SPC24: variants seen among roughly 807,000 people sequenced by gnomAD.
The protein encoded by SPC24 is kinetochore protein Spc24.
In SPC24, 31 loss-of-function variants were observed where a neutral mutation model predicts 27.6. The observed-to-expected ratio is 1.12, with a 90% CI of 0.84 to 1.52. SPC24 has a LOEUF of 1.52. Among genes scored for constraint, SPC24 ranks in the 40% most tolerant of loss-of-function variants. SPC24 has a pLI of 0.00. For missense variants in SPC24, 284 were observed against 252.5 expected, an observed-to-expected ratio of 1.12 and a Z score of -0.84; for synonymous variants, 105 against 105.8, an observed-to-expected ratio of 0.99 and a Z score of 0.05.
Position 11,147,263 on chromosome 19 carries a change from G to A in SPC24, c.514C>T (p.Pro172Ser). The part of the protein sequence containing the change: ...GIHHGPSVAQ[P>S]IHLDSTQLSR... ...AGCTGGGTGCTGTCCAGGTGGATGG[G>A]CTGGGCCACACTGGGGCCATGATGG... Residue 172 changes from proline (P) to serine (S), a missense_variant, in exon 5 of 5, where the codon CCC becomes TCC. Coordinates refer to ENST00000592540, the MANE Select transcript of SPC24 (RefSeq NM_182513.4). 6.4e-7 allele frequency: 1 copy of A among 1,567,654 alleles called. No homozygotes were observed. Among genetic ancestry groups the A allele is most frequent in the Non-Finnish European group, 8.7e-7 (1 of 1,155,486 alleles).
chr19:11,149,475 C>G lies in SPC24; in HGVS notation c.161-237G>C, dbSNP rs149495128. 106 of 303,718 alleles carry G rather than the reference C, an allele frequency of 3.5e-4. 3 individuals are homozygous for G. The East Asian group carries it at 5.8e-3, about 17-fold the overall frequency. The allele number at this position is 303,718 out of a possible 1,614,324, so 18.8% of individuals were successfully genotyped here. ...AAATATAACAAAATAGTTGGCCAGG[C>G]ATGGTGGCTCATGCCTGTAATCCCA... On this transcript the variant is annotated intron_variant, in intron 1 of 4. Transcript: ENST00000592540.
In SPC24 at chr19:11,147,279, GC is replaced by G; in HGVS notation, c.497del (p.Gly166AlafsTer55). The G allele has an allele frequency of 6.4e-7, 1 of 1,566,124 alleles. No homozygotes were observed. Among genetic ancestry groups the G allele is most frequent in the Non-Finnish European group, 8.7e-7 (1 of 1,154,676 alleles). ...GGTGGATGGGCTGGGCCACACTGGG[GC>G]CATGATGGACTGAGGCACAGATGTA... ...EPGMVKGIHH[G>X]PSVAQPIHLD... On this transcript the variant is annotated frameshift_variant, in exon 5 of 5. Transcript: ENST00000592540. LOFTEE classifies it high-confidence loss of function.
At position 11,147,146 on chromosome 19, in the gene SPC24, GC is replaced by G; in HGVS notation, c.*36del. The G allele has an allele frequency of 7.6e-7, 1 of 1,315,734 alleles. No homozygotes were observed. Among genetic ancestry groups the G allele is most frequent in the Non-Finnish European group, 1.1e-6 (1 of 941,114 alleles). The allele number at this position is 1,315,734 out of a possible 1,614,324, so 81.5% of individuals were successfully genotyped here. ...TGAAATGGATCTGACCACGGCAGAT[GC>G]CCGCTGGGTGCAAGACGCAGCCACG... On this transcript the variant is annotated 3_prime_UTR_variant, in exon 5 of 5. Coordinates refer to ENST00000592540, the MANE Select transcript of SPC24 (RefSeq NM_182513.4).
chr19:11,149,118 T>A lies in SPC24; in HGVS notation c.281A>T (p.Asp94Val). Residue 94 changes from aspartate (D) to valine (V), a missense_variant, in exon 2 of 5, where the codon GAC becomes GTC. Coordinates refer to ENST00000592540, the MANE Select transcript of SPC24 (RefSeq NM_182513.4). ...EAGLQEAGEE[D>V]TRLKASLLQL... is the part of the protein sequence containing the mutation. ...TAGGAGGCTGGCCTTCAGACGGGTGTCCTCCTCCCCAGCCTCCTGAAGCCC... is the reference window on the plus strand; with the variant it reads ...TAGGAGGCTGGCCTTCAGACGGGTGACCTCCTCCCCAGCCTCCTGAAGCCC... 6.5e-7 allele frequency: 1 copy of A among 1,546,180 alleles called. No individual in the cohort carries two copies. The highest frequency in any genetic ancestry group is 2.0e-5 in the Admixed American group (1 of 50,112).
Position 11,150,414 on chromosome 19 carries a change from A to G in SPC24, c.161-1176T>C, listed in dbSNP as rs572283461. Among the ~76,000 whole-genome samples the G allele has an allele frequency of 1.4e-4, 21 of 151,712 alleles. No homozygotes were observed. The South Asian group carries it at 4.2e-3, about 30-fold the overall frequency. Reference sequence around the variant, plus strand: ...GGCGGGACAATCACTTGAACCTGGGAGGCGGAGGTTGCGGTGAGCCGACAT... The same window carrying G: ...GGCGGGACAATCACTTGAACCTGGGGGGCGGAGGTTGCGGTGAGCCGACAT... On this transcript the variant is annotated intron_variant, in intron 1 of 4. Coordinates refer to ENST00000592540, the MANE Select transcript of SPC24 (RefSeq NM_182513.4).
At position 11,145,861 on chromosome 19, in the gene SPC24, T is replaced by G. The variant is rs2077819780; in HGVS notation, c.*1322A>C. 1 of 152,132 alleles carries G rather than the reference T, an allele frequency of 6.6e-6. No homozygotes were observed. Among genetic ancestry groups the G allele is most frequent in the African/African-American group, 2.4e-5 (1 of 41,436 alleles). 9.4% of individuals were successfully genotyped at this position (152,132 alleles called of 1,614,324 possible). A position where few individuals can be genotyped will look rare whatever the true frequency, so the allele number is the denominator to read the frequency against. On this transcript the variant is annotated 3_prime_UTR_variant, in exon 5 of 5. Coordinates refer to ENST00000592540, the MANE Select transcript of SPC24 (RefSeq NM_182513.4). ...TAACTATAAGGGCAGCTGGGAAGTG[T>G]TGTATTTTAACTCCCAAAGTGCTAG...
Position 11,155,680 on chromosome 19 carries a change from G to A in SPC24, c.97C>T (p.Arg33Cys). The change falls in exon 1 of 5, where the codon CGC (arginine) becomes TGC (cysteine). Residue 33 changes from arginine (R) to cysteine (C), a missense_variant. By Grantham distance (180) the Arg-to-Cys change is radical (BLOSUM62 -3). Coordinates refer to ENST00000592540, the MANE Select transcript of SPC24 (RefSeq NM_182513.4). ...AGCCGCTCCACCACCTGCTCGTGGCGCCCCAGCAGCCGTCGCTGCTGCGCC... is the reference window on the plus strand; with the variant it reads ...AGCCGCTCCACCACCTGCTCGTGGCACCCCAGCAGCCGTCGCTGCTGCGCC... ...AEAQQRRLLG[R>C]HEQVVERLLE... 2 of 1,558,910 alleles carry A rather than the reference G, an allele frequency of 1.3e-6. No individual in the cohort carries two copies. The highest frequency in any genetic ancestry group is 1.7e-6 in the Non-Finnish European group (2 of 1,159,682).
chr19:11,148,190 A>G (rs1332773013), intron 2 of SPC24, 73 bp from the exon 3 acceptor site: 7 of 1,013,890 alleles, frequency 6.9e-6, no homozygotes, highest in South Asian at 1.4e-5. Context: ...TGGGAGGCCC[A>G]GGGTCTTGGC....
At chr19:11,151,871 G>A (rs926757918) in intron 1 of SPC24, among the ~76,000 whole-genome samples, 9 of 149,712 alleles carry the variant, frequency 6.0e-5, no homozygotes, top group African/African-American at 2.2e-4. Context: ...GCCTCCCACA[G>A]TGCTGGGATT....
rs2077826718 is a variant in SPC24, at chr19:11,146,642, G to GC, written c.*540_*541insG. On this transcript the variant is annotated 3_prime_UTR_variant, in exon 5 of 5. Transcript: ENST00000592540. ...TAGCTGCGCATGGTGGCAGGTGCCT[G>GC]TAGTCCCAGCTACTCAGGAGGCTGA... 2 of 151,774 alleles carry GC rather than the reference G, an allele frequency of 1.3e-5. No homozygotes were observed. Among genetic ancestry groups the GC allele is most frequent in the South Asian group, 4.2e-4 (2 of 4,800 alleles). The allele number at this position is 151,774 out of a possible 1,614,324, so 9.4% of individuals were successfully genotyped here.
intron 1 of SPC24, among the ~76,000 whole-genome samples, chr19:11,151,771 G>A (rs1475400721): frequency 2.0e-5 from 3 of 151,666 alleles, no homozygotes; most frequent in Admixed American, 6.6e-5. Context: ...CACCACGCCT[G>A]GCTAATTTTT....
chr19:11,152,440 C>T (rs989696536), intron 1 of SPC24, among the ~76,000 whole-genome samples: 3 of 152,176 alleles, frequency 2.0e-5, no homozygotes, highest in Non-Finnish European at 4.4e-5. Flanking sequence ...TAACTCCTGT[C>T]CTCAAGTGAT....
chr19:11,155,634 G>C lies in SPC24; in HGVS notation c.143C>G (p.Ala48Gly). The part of the protein sequence containing the change: ...VERLLETQDG[A>G]EKQLREILTM... ...ACCCTCACCTCGCAGCTGCTTCTCG[G>C]CACCGTCTTGCGTTTCCAGCAGCCG... Residue 48 changes from alanine (A) to glycine (G), a missense_variant, in exon 1 of 5, where the codon GCC (alanine) becomes GGC (glycine). Transcript: ENST00000592540. The C allele has an allele frequency of 6.5e-7, 1 of 1,547,936 alleles. No homozygotes were observed. Among genetic ancestry groups the C allele is most frequent in the Non-Finnish European group, 8.7e-7 (1 of 1,152,856 alleles).
At chr19:11,152,991 AATC>A (rs2077883749) in intron 1 of SPC24, among the ~76,000 whole-genome samples, 1 of 151,962 alleles carries the variant, frequency 6.6e-6, no homozygotes. Flanking sequence ...TCCATAGGCC[AATC>A]AAGGCTCAGC....
intron 4 of SPC24, 49 bp from the exon 5 acceptor site, chr19:11,147,338 A>G: frequency 7.7e-7 from 1 of 1,296,884 alleles, no homozygotes; most frequent in Non-Finnish European, 1.1e-6. Context: ...CCCTCACACA[A>G]CCCCACGGGG....
intron 2 of SPC24, among the ~76,000 whole-genome samples, chr19:11,148,835 C>A (rs571137492): frequency 1.3e-5 from 2 of 151,906 alleles, no homozygotes; most frequent in Non-Finnish European, 2.9e-5. Context: ...CCAGGATGGT[C>A]TCGATCTCCT....
intron 1 of SPC24, among the ~76,000 whole-genome samples, chr19:11,151,162 C>CA (rs397859905): frequency 0.32 from 28,317 of 88,662 alleles, 4,120 homozygotes; most frequent in Non-Finnish European, 0.36. Flanking sequence ...GACTCCGTCT[C>CA]AAAAAAAAAA....
chr19:11,150,631 C>A (rs1032975387), intron 1 of SPC24, among the ~76,000 whole-genome samples: 1 of 151,982 alleles, frequency 6.6e-6, no homozygotes, highest in African/African-American at 2.4e-5. Context: ...CCCATCTCTA[C>A]TAAAAACACA....
Position 11,149,100 on chromosome 19 carries a change from C to A in SPC24, c.299G>T (p.Ser100Ile). 1 of 1,530,302 alleles carries A rather than the reference C, an allele frequency of 6.5e-7. No individual in the cohort carries two copies. The highest frequency in any genetic ancestry group is 8.8e-7 in the Non-Finnish European group (1 of 1,139,322). The allele number at this position is 1,530,302 out of a possible 1,614,324, so 94.8% of individuals were successfully genotyped here. A position where few individuals can be genotyped will look rare whatever the true frequency, so the allele number is the denominator to read the frequency against. Residue 100 changes from serine to isoleucine, a missense_variant, in exon 2 of 5, where the codon AGC becomes ATC. Physicochemically the swap from Ser to Ile is moderately radical, Grantham distance 142. Coordinates refer to ENST00000592540, the MANE Select transcript of SPC24 (RefSeq NM_182513.4). ...CCCTAGCAGAAAAGGATATAGGAGGCTGGCCTTCAGACGGGTGTCCTCCTC... is the reference window on the plus strand; with the variant it reads ...CCCTAGCAGAAAAGGATATAGGAGGATGGCCTTCAGACGGGTGTCCTCCTC... ...AGEEDTRLKA[S>I]LLQLTRELEE...
Sources: allele counts gnomAD v4.1 joint callset (sites outside exome capture counted in the v4.1 genomes callset), GRCh38; gene constraint gnomAD v4.1.1; transcripts MANE v1.5; gene names NCBI Gene and HGNC (gene_info 2026-07-23, HGNC 2026-07-21).